Variants in RNLS observed in about 807,000 individuals in gnomAD.
The protein encoded by RNLS is renalase.
RNLS carries 39 observed loss-of-function variants against 39.8 expected under a neutral mutation model. That is an observed-to-expected ratio of 0.98 (90% confidence interval 0.76 to 1.28). The LOEUF (loss-of-function observed/expected upper bound fraction) is 1.28, where lower values mean the gene tolerates loss of function less well. RNLS is among the 50% of genes most tolerant of loss of function. RNLS has a pLI of 0.00. For synonymous variants in RNLS, 147 were observed against 150.7 expected (o/e 0.98, Z 0.18); for missense variants, 410 against 413.3 (o/e 0.99, Z 0.07).
chr10:88,223,348 T>A, the RNLS span, among the ~76,000 whole-genome samples: 1 of 152,224 alleles, frequency 6.6e-6, no homozygotes, highest in Non-Finnish European at 1.5e-5. Flanking sequence ...ATTTTTTGGC[T>A]ACGAGAAACC....
intron 5 of RNLS, among the ~76,000 whole-genome samples, chr10:88,350,731 C>A (rs1157899093): frequency 6.6e-6 from 1 of 152,102 alleles, no homozygotes; most frequent in South Asian, 2.1e-4. Context: ...ATTTATATTC[C>A]TTTGGGTATA....
At chr10:88,470,791 T>A (rs1257598314) in intron 4 of RNLS, among the ~76,000 whole-genome samples, 1 of 152,010 alleles carries the variant, frequency 6.6e-6, no homozygotes. Flanking sequence ...AATTTTTGTA[T>A]TTTTAGTAGA....
At chr10:88,172,985 T>C in the RNLS span, among the ~76,000 whole-genome samples, 1 of 150,284 alleles carries the variant, frequency 6.7e-6, no homozygotes, top group South Asian at 2.1e-4. Context: ...GCCTCCCCAC[T>C]AGCTGGGACT....
downstream of RNLS, among the ~76,000 whole-genome samples, chr10:88,280,919 C>T (rs1412235003): frequency 1.3e-5 from 2 of 152,126 alleles, no homozygotes; most frequent in African/African-American, 4.8e-5. Flanking sequence ...ATAATTCAAC[C>T]AGCCTTTTAC....
chr10:88,486,797 G>A (rs995943115), intron 4 of RNLS, among the ~76,000 whole-genome samples: 2 of 152,182 alleles, frequency 1.3e-5, no homozygotes, highest in Non-Finnish European at 2.9e-5. Context: ...GTAGAAGACA[G>A]TGTGGTGATT....
At chr10:88,259,315 C>T in the RNLS span, 1 of 152,214 alleles carries the variant, frequency 6.6e-6, no homozygotes, top group Non-Finnish European at 1.5e-5. Flanking sequence ...ACATCAATCT[C>T]TACAGGGCAT....
At chr10:88,244,776 GT>G in the RNLS span, among the ~76,000 whole-genome samples, 138 of 151,612 alleles carry the variant, frequency 9.1e-4, no homozygotes, top group Admixed American at 1.6e-3. Context: ...AAAAGTTGGT[GT>G]CATTTTTGCA....
chr10:88,331,913 C>T (rs560416338), intron 5 of RNLS, among the ~76,000 whole-genome samples: 9 of 152,196 alleles, frequency 5.9e-5, no homozygotes, highest in East Asian at 1.9e-4. Flanking sequence ...AAAAGATAGC[C>T]AGGGAGAGAG....
At chr10:88,464,895 T>C (rs900566851) in intron 4 of RNLS, among the ~76,000 whole-genome samples, 10 of 152,060 alleles carry the variant, frequency 6.6e-5, no homozygotes, top group Non-Finnish European at 1.3e-4. Context: ...GACATGCTCA[T>C]AGGGAAGGAC....
the RNLS span, among the ~76,000 whole-genome samples, chr10:88,194,930 G>A: frequency 6.6e-6 from 1 of 152,074 alleles, no homozygotes; most frequent in African/African-American, 2.4e-5. Context: ...TTCTTTTTTA[G>A]CTTAAGTGCT....
intron 5 of RNLS, among the ~76,000 whole-genome samples, chr10:88,346,980 AG>A: frequency 6.6e-6 from 1 of 152,240 alleles, no homozygotes; most frequent in East Asian, 1.9e-4. Context: ...ATCTTTTCTG[AG>A]GGAGCTCTAG....
At chr10:88,495,328 A>G (rs1845105047) in intron 4 of RNLS, among the ~76,000 whole-genome samples, 1 of 152,130 alleles carries the variant, frequency 6.6e-6, no homozygotes, top group Non-Finnish European at 1.5e-5. Context: ...AATAGAGTCA[A>G]TTTGTTATCT....
chr10:88,273,853 GT>G (rs1842718694), downstream of RNLS: 1 of 143,084 alleles, frequency 7.0e-6, no homozygotes, highest in Admixed American at 6.9e-5. Flanking sequence ...AAATTGATAG[GT>G]TAAAAAATTA....
At chr10:88,392,532 G>A (rs1427675921) in intron 4 of RNLS, among the ~76,000 whole-genome samples, 1 of 152,190 alleles carries the variant, frequency 6.6e-6, no homozygotes, top group Admixed American at 6.6e-5. Flanking sequence ...AGGAATTTAA[G>A]AAAATCTTTG....
intron 4 of RNLS, among the ~76,000 whole-genome samples, chr10:88,430,484 C>A (rs1841452481): frequency 1.3e-5 from 2 of 151,680 alleles, no homozygotes; most frequent in African/African-American, 4.8e-5. Flanking sequence ...CTTTATATTT[C>A]TTTTTCTCCC....
intron 6 of RNLS, among the ~76,000 whole-genome samples, chr10:88,298,174 T>C (rs1844229016): frequency 6.6e-6 from 1 of 152,150 alleles, no homozygotes. Context: ...GGGTTGGTTT[T>C]TTTATTTTTA....
chr10:88,460,872 T>C (rs996666770), intron 4 of RNLS, among the ~76,000 whole-genome samples: 1 of 152,204 alleles, frequency 6.6e-6, no homozygotes, highest in Admixed American at 6.5e-5. Flanking sequence ...AAAGCTGACT[T>C]TGCTCCTGCT....
At chr10:88,245,075 A>G in the RNLS span, among the ~76,000 whole-genome samples, 18 of 152,212 alleles carry the variant, frequency 1.2e-4, no homozygotes, top group East Asian at 3.3e-3. Context: ...AAAAAAGGGG[A>G]AAAAAAGGAA....
At chr10:88,431,176 T>G (rs139863515) in intron 4 of RNLS, among the ~76,000 whole-genome samples, 1,836 of 151,782 alleles carry the variant, frequency 0.012, 17 homozygotes, top group Non-Finnish European at 0.017. Context: ...TCAGGTTATC[T>G]ATTTATTTTT....
Sources: gnomAD v4.1 joint callset for allele counts (sites outside exome capture counted in the v4.1 genomes callset) on GRCh38, gnomAD v4.1.1 for gene constraint, MANE v1.5 for transcripts, NCBI Gene and HGNC (gene_info 2026-07-23, HGNC 2026-07-21) for gene names.